CSMD1: variants seen among roughly 807,000 people sequenced by gnomAD.
CSMD1 encodes the protein CUB and Sushi multiple domains 1, also known as CUB and sushi domain-containing protein 1.
Under a neutral mutation model 417.5 loss-of-function variants are expected in CSMD1, and 213 were observed. The ratio of observed to expected loss-of-function variants is 0.51; its 90% confidence interval spans 0.46 to 0.57. CSMD1 has a LOEUF of 0.57. Among genes scored for constraint, CSMD1 ranks in the 20% least tolerant of loss-of-function variants. The probability of loss-of-function intolerance (pLI) is 0.00; values close to 1 mark genes in which losing one functional copy is unlikely to be tolerated. For missense variants in CSMD1, 6,923 were observed against 4,529.7 expected, an observed-to-expected ratio of 1.53 and a Z score of -15.17; for synonymous variants, 2,862 against 1,736.8, an observed-to-expected ratio of 1.65 and a Z score of -16.11.
intron 18 of CSMD1, among the ~76,000 whole-genome samples, chr8:3,373,115 C>A (rs1910379): frequency 6.6e-6 from 1 of 152,008 alleles, no homozygotes; most frequent in Admixed American, 6.6e-5. Flanking sequence ...ATCCCAAAAT[C>A]TGCATGTTAT....
At chr8:4,044,180 T>C (rs1013568110) in intron 3 of CSMD1, among the ~76,000 whole-genome samples, 5 of 152,174 alleles carry the variant, frequency 3.3e-5, no homozygotes, top group African/African-American at 1.2e-4. Flanking sequence ...GACTCATTCA[T>C]TCTAAAAGTT....
chr8:3,579,550 A>G (rs898818312), intron 9 of CSMD1, among the ~76,000 whole-genome samples: 10 of 152,072 alleles, frequency 6.6e-5, no homozygotes, highest in Admixed American at 2.0e-4. Flanking sequence ...TGTTTTTAGG[A>G]GAAATCATTT....
At chr8:3,836,639 C>T (rs973026018) in intron 5 of CSMD1, among the ~76,000 whole-genome samples, 8 of 152,092 alleles carry the variant, frequency 5.3e-5, no homozygotes, top group African/African-American at 1.9e-4. Context: ...AATCAAATTA[C>T]ACATTCACAA....
chr8:3,890,226 TAAG>T (rs1222561972), intron 5 of CSMD1, among the ~76,000 whole-genome samples: 1 of 152,184 alleles, frequency 6.6e-6, no homozygotes, highest in Non-Finnish European at 1.5e-5. Context: ...TAATAAAAGA[TAAG>T]AAATATTCTT....
chr8:3,697,546 C>T (rs1274722533), intron 7 of CSMD1, among the ~76,000 whole-genome samples: 1 of 152,088 alleles, frequency 6.6e-6, no homozygotes, highest in African/African-American at 2.4e-5. Flanking sequence ...ACTTTAGTTA[C>T]TCACTAACAA....
At chr8:4,921,988 T>A (rs1806527969) in intron 1 of CSMD1, among the ~76,000 whole-genome samples, 1 of 152,150 alleles carries the variant, frequency 6.6e-6, no homozygotes, top group Non-Finnish European at 1.5e-5. Flanking sequence ...TTGCTTCAGA[T>A]CCAATCCTGC....
chr8:3,090,210 G>A (rs920280074), intron 48 of CSMD1, among the ~76,000 whole-genome samples: 2 of 151,714 alleles, frequency 1.3e-5, no homozygotes, highest in South Asian at 2.1e-4. Flanking sequence ...CCAGCTACTC[G>A]GGAGGCTGAG....
intron 3 of CSMD1, among the ~76,000 whole-genome samples, chr8:4,227,649 G>T (rs1801439648): frequency 6.6e-6 from 1 of 151,938 alleles, no homozygotes; most frequent in African/African-American, 2.4e-5. Context: ...ACCAATCATT[G>T]CCAGTGATCC....
chr8:3,852,024 T>G, intron 5 of CSMD1, among the ~76,000 whole-genome samples: 1 of 152,210 alleles, frequency 6.6e-6, no homozygotes, highest in East Asian at 1.9e-4. Flanking sequence ...TGAGGACAAG[T>G]TCCCTGGACC....
chr8:3,688,645 T>A (rs927455485), intron 7 of CSMD1, among the ~76,000 whole-genome samples: 1 of 152,198 alleles, frequency 6.6e-6, no homozygotes, highest in East Asian at 1.9e-4. Flanking sequence ...AATTCTAGAT[T>A]TTTCAGTGAA....
At chr8:3,393,453 C>T (rs557452398) in intron 17 of CSMD1, among the ~76,000 whole-genome samples, 13 of 152,230 alleles carry the variant, frequency 8.5e-5, no homozygotes, top group African/African-American at 3.1e-4. Flanking sequence ...CAGTTTTCTT[C>T]TTCTTTTTAG....
intron 51 of CSMD1, among the ~76,000 whole-genome samples, chr8:3,024,617 G>A (rs1164096969): frequency 6.6e-6 from 1 of 152,136 alleles, no homozygotes; most frequent in East Asian, 1.9e-4. Flanking sequence ...TACATTTTAA[G>A]TTTTTAAAAA....
intron 1 of CSMD1, among the ~76,000 whole-genome samples, chr8:4,831,681 A>G (rs1211262472): frequency 2.0e-5 from 3 of 152,200 alleles, no homozygotes; most frequent in African/African-American, 4.8e-5. Context: ...TCATACTTCA[A>G]TGAAATGGTC....
intron 20 of CSMD1, among the ~76,000 whole-genome samples, chr8:3,364,176 G>T (rs182855626): frequency 6.6e-6 from 1 of 151,922 alleles, no homozygotes; most frequent in South Asian, 2.1e-4. Context: ...AAACTCCATG[G>T]TATCAGTGTC....
At chr8:4,302,019 G>C (rs1798004831) in intron 3 of CSMD1, among the ~76,000 whole-genome samples, 1 of 151,994 alleles carries the variant, frequency 6.6e-6, no homozygotes. Context: ...AGTTTATTTT[G>C]GTACAAATAT....
intron 5 of CSMD1, among the ~76,000 whole-genome samples, chr8:3,931,418 G>A (rs1376196728): frequency 1.3e-5 from 2 of 150,002 alleles, no homozygotes; most frequent in African/African-American, 2.5e-5. Flanking sequence ...TGGGTATTGT[G>A]GAAAAAAAAA....
chr8:4,048,859 A>G (rs1191764354), intron 3 of CSMD1, among the ~76,000 whole-genome samples: 3 of 152,232 alleles, frequency 2.0e-5, no homozygotes, highest in African/African-American at 7.2e-5. Context: ...TTCAATACAG[A>G]TAGATCAAGC....
At chr8:3,387,937 A>G (rs1811112795) in intron 17 of CSMD1, among the ~76,000 whole-genome samples, 1 of 152,214 alleles carries the variant, frequency 6.6e-6, no homozygotes, top group African/African-American at 2.4e-5. Context: ...ATAATTAATT[A>G]ACTTCTCTGA....
chr8:4,306,934 A>T (rs1798280848), intron 3 of CSMD1, among the ~76,000 whole-genome samples: 1 of 152,160 alleles, frequency 6.6e-6, no homozygotes, highest in Admixed American at 6.5e-5. Flanking sequence ...TGTGGGATTC[A>T]GTATCTGTCG....
Sources: gnomAD v4.1 joint callset for allele counts (sites outside exome capture counted in the v4.1 genomes callset) on GRCh38, gnomAD v4.1.1 for gene constraint, MANE v1.5 for transcripts, NCBI Gene and HGNC (gene_info 2026-07-23, HGNC 2026-07-21) for gene names.